Variants in KCNH8 observed in about 807,000 individuals in gnomAD.
KCNH8 encodes the protein voltage-gated delayed rectifier potassium channel KCNH8.
Under a neutral mutation model 103.6 loss-of-function variants are expected in KCNH8, and 70 were observed. That is an observed-to-expected ratio of 0.68 (90% CI 0.56 to 0.82). The LOEUF (loss-of-function observed/expected upper bound fraction) is 0.82, where lower values mean the gene tolerates loss of function less well. KCNH8 is among the 40% of genes least tolerant of loss of function. The probability of loss-of-function intolerance (pLI) is 0.00; values close to 1 mark genes in which losing one functional copy is unlikely to be tolerated. For synonymous variants in KCNH8, 498 were observed against 489.4 expected (o/e 1.02, Z -0.23); for missense variants, 1,217 against 1,329.9 (o/e 0.92, Z 1.32).
chr3:19,345,244 G>C (rs192692494), intron 4 of KCNH8, among the ~76,000 whole-genome samples: 8 of 152,206 alleles, frequency 5.3e-5, no homozygotes, highest in African/African-American at 1.7e-4. Flanking sequence ...AACTTGAAAG[G>C]AGAGTGCTAC....
At chr3:19,305,845 C>T (rs549699129) in intron 3 of KCNH8, among the ~76,000 whole-genome samples, 6 of 151,728 alleles carry the variant, frequency 4.0e-5, no homozygotes, top group Admixed American at 2.6e-4. Context: ...TGCTGCAAAA[C>T]GAAGAGATGG....
chr3:19,467,159 TAACTC>T (rs1355795126), intron 11 of KCNH8, among the ~76,000 whole-genome samples: 1 of 152,176 alleles, frequency 6.6e-6, no homozygotes, highest in Admixed American at 6.5e-5. Flanking sequence ...GCCTGTATCA[TAACTC>T]AGTTTCAGGG....
Position 19,253,787 on chromosome 3 carries a change from A to T in KCNH8, c.210A>T (p.Leu70Phe). 4 of 1,613,872 alleles carry T rather than the reference A, an allele frequency of 2.5e-6. No homozygotes were observed. Among genetic ancestry groups the T allele is most frequent in the Non-Finnish European group, 3.4e-6 (4 of 1,179,898 alleles). Residue 70 changes from leucine (L) to phenylalanine (F), a missense_variant, in exon 2 of 16, where the codon TTA becomes TTT. This residue lies in a region of KCNH8 where 244 missense variants were observed against 256.8 expected (regional missense o/e 0.95). Transcript: ENST00000328405. ...AGAAGAGTTGTAGCTGCAAGTTCTT[A>T]TTTGGGGTTGAAACCAATGAGCAAC... Reference protein sequence around the residue: ...VMQKSCSCKFLFGVETNEQLM... With the variant: ...VMQKSCSCKFFFGVETNEQLM...
chr3:19,166,361 A>G (rs966588181), intron 1 of KCNH8, among the ~76,000 whole-genome samples: 33 of 152,218 alleles, frequency 2.2e-4, no homozygotes, highest in African/African-American at 8.0e-4. Context: ...AAGAGTTCTG[A>G]TATTTCAATA....
chr3:19,314,565 GTC>G (rs1212418106), intron 3 of KCNH8, among the ~76,000 whole-genome samples: 1 of 151,748 alleles, frequency 6.6e-6, no homozygotes, highest in Non-Finnish European at 1.5e-5. Flanking sequence ...ACAAAACCCT[GTC>G]TCTAAACAAA....
chr3:19,325,258 C>A (rs2065406238), intron 3 of KCNH8, among the ~76,000 whole-genome samples: 1 of 152,116 alleles, frequency 6.6e-6, no homozygotes, highest in African/African-American at 2.4e-5. Context: ...TGGAAGACAT[C>A]CTAGGCAATA....
chr3:19,208,913 C>T (rs1223700660), intron 1 of KCNH8, among the ~76,000 whole-genome samples: 1 of 151,912 alleles, frequency 6.6e-6, no homozygotes, highest in Non-Finnish European at 1.5e-5. Context: ...GATGTCAGGT[C>T]TTTCATATTT....
chr3:19,262,505 A>G (rs1414927031), intron 2 of KCNH8, among the ~76,000 whole-genome samples: 1 of 152,054 alleles, frequency 6.6e-6, no homozygotes, highest in Non-Finnish European at 1.5e-5. Context: ...TATTCCCAAA[A>G]TAACAATTTT....
At chr3:19,479,926 CATT>C (rs1486968188) in intron 11 of KCNH8, among the ~76,000 whole-genome samples, 2 of 152,118 alleles carry the variant, frequency 1.3e-5, no homozygotes, top group African/African-American at 4.8e-5. Context: ...TAATCAGTGT[CATT>C]ATGATTGAGG....
chr3:19,165,658 T>G (rs1424151740), intron 1 of KCNH8, among the ~76,000 whole-genome samples: 1 of 152,224 alleles, frequency 6.6e-6, no homozygotes, highest in Non-Finnish European at 1.5e-5. Context: ...GGCAACTTTA[T>G]AGGTTGAGCT....
At chr3:19,350,715 A>G (rs2125322071) in intron 5 of KCNH8, among the ~76,000 whole-genome samples, 1 of 152,178 alleles carries the variant, frequency 6.6e-6, no homozygotes, top group East Asian at 1.9e-4. Flanking sequence ...CCACACCAAA[A>G]CCCCATCTGT....
intron 3 of KCNH8, among the ~76,000 whole-genome samples, chr3:19,331,174 CGTT>C (rs2065500802): frequency 1.3e-5 from 2 of 151,118 alleles, no homozygotes; most frequent in African/African-American, 2.4e-5. Context: ...GGCTTTCTGA[CGTT>C]GGTAACAATA....
At chr3:19,466,462 A>G (rs2125197177) in intron 11 of KCNH8, among the ~76,000 whole-genome samples, 1 of 152,232 alleles carries the variant, frequency 6.6e-6, no homozygotes, top group East Asian at 1.9e-4. Flanking sequence ...CATGAAAGGA[A>G]TAGTCCAATT....
intron 10 of KCNH8, among the ~76,000 whole-genome samples, chr3:19,455,028 C>A (rs1326222876): frequency 6.6e-6 from 1 of 152,068 alleles, no homozygotes; most frequent in Non-Finnish European, 1.5e-5. Flanking sequence ...TTATACTTGA[C>A]CTGTAGATAT....
At chr3:19,252,676 C>T (rs1186471559) in intron 1 of KCNH8, among the ~76,000 whole-genome samples, 7 of 152,124 alleles carry the variant, frequency 4.6e-5, no homozygotes, top group Non-Finnish European at 8.8e-5. Context: ...GCCTGAGCCA[C>T]CACACCCAGC....
chr3:19,391,765 A>G (rs1181281238), intron 6 of KCNH8: 2 of 152,022 alleles, frequency 1.3e-5, no homozygotes, highest in Non-Finnish European at 2.9e-5. Context: ...GGAAAAATCT[A>G]GTACATATCA....
At chr3:19,335,984 G>T (rs1291864965) in intron 3 of KCNH8, among the ~76,000 whole-genome samples, 1 of 151,020 alleles carries the variant, frequency 6.6e-6, no homozygotes, top group African/African-American at 2.4e-5. Context: ...CCACCTTTTA[G>T]AAAAAAATGT....
chr3:19,363,507 A>G (rs774700939), intron 5 of KCNH8, among the ~76,000 whole-genome samples: 2 of 152,148 alleles, frequency 1.3e-5, no homozygotes, highest in African/African-American at 2.4e-5. Flanking sequence ...CAGCTTCATA[A>G]TTTTGCTGGA....
chr3:19,379,902 G>A (rs1457147905), intron 5 of KCNH8, among the ~76,000 whole-genome samples: 3 of 151,932 alleles, frequency 2.0e-5, no homozygotes, highest in Non-Finnish European at 2.9e-5. Flanking sequence ...ATATTGCTAG[G>A]AGAAACAAAA....
Sources: gnomAD v4.1 joint callset for allele counts (sites outside exome capture counted in the v4.1 genomes callset) on GRCh38, gnomAD v4.1.1 for gene constraint, gnomAD v4.1.1 regional missense constraint, MANE v1.5 for transcripts, NCBI Gene and HGNC (gene_info 2026-07-23, HGNC 2026-07-21) for gene names.